CELF2: variants seen among roughly 807,000 people sequenced by gnomAD.
CELF2 encodes the protein CUG triplet repeat RNA-binding protein 2.
In CELF2, 8 loss-of-function variants were observed where a neutral mutation model predicts 62.6. The ratio of observed to expected loss-of-function variants is 0.13; its 90% CI spans 0.07 to 0.23. The LOEUF (loss-of-function observed/expected upper bound fraction) is 0.23, where lower values mean the gene tolerates loss of function less well. CELF2 is among the 10% of genes least tolerant of loss of function. CELF2 has a pLI of 1.00. For synonymous variants in CELF2, 258 were observed against 250.0 expected (o/e 1.03, Z -0.30); for missense variants, 333 against 671.0 (o/e 0.50, Z 5.56).
chr10:11,242,692 C>G lies in CELF2; in HGVS notation c.355-6461C>G, dbSNP rs79076451. Among the ~76,000 whole-genome samples, 2 of 152,148 alleles carry G rather than the reference C, an allele frequency of 1.3e-5. No homozygotes were observed. The highest frequency in any genetic ancestry group is 1.9e-4 in the East Asian group (1 of 5,194). Reference sequence around the variant, plus strand: ...ACAGCTGGGGCCTTGTGGGAAGAATCGAAGGTCAGCTTACTCAGGAGTGAG... The same window carrying G: ...ACAGCTGGGGCCTTGTGGGAAGAATGGAAGGTCAGCTTACTCAGGAGTGAG... On this transcript the variant is annotated intron_variant, in intron 3 of 12. Coordinates refer to ENST00000633077, the MANE Select transcript of CELF2 (RefSeq NM_001326342.2). This position sits in a 1 kb window ranked among gnomAD's most constrained non-coding sequence, Gnocchi z 4.8.
the CELF2 span, among the ~76,000 whole-genome samples, chr10:10,579,616 A>G: frequency 3.9e-5 from 6 of 152,166 alleles, no homozygotes; most frequent in African/African-American, 1.4e-4. Flanking sequence ...CCTTGAAAAT[A>G]CAGCAAGAGG....
the CELF2 span, among the ~76,000 whole-genome samples, chr10:10,486,667 G>A: frequency 2.0e-5 from 3 of 152,092 alleles, no homozygotes; most frequent in African/African-American, 7.2e-5. Flanking sequence ...TCCTTTGAGC[G>A]TCATGTCAGT....
At chr10:10,568,971 CT>C in the CELF2 span, among the ~76,000 whole-genome samples, 1 of 152,148 alleles carries the variant, frequency 6.6e-6, no homozygotes, top group African/African-American at 2.4e-5. Flanking sequence ...GCCATTCCTT[CT>C]CCTCCAACCT....
At chr10:11,017,639 C>G (rs796155147), upstream of CELF2, among the ~76,000 whole-genome samples, 8 of 152,214 alleles carry the variant, frequency 5.3e-5, 1 homozygote, top group African/African-American at 1.7e-4. This position sits in a 1 kb window ranked among gnomAD's most constrained non-coding sequence, Gnocchi z 5.5. Context: ...AAACCTACTC[C>G]GAGCGGCCAC....
intron 3 of CELF2, among the ~76,000 whole-genome samples, chr10:11,248,521 A>G (rs1175453872): frequency 6.6e-6 from 1 of 152,168 alleles, no homozygotes; most frequent in East Asian, 1.9e-4. Context: ...TAAAAATTAT[A>G]TACTGATACC....
chr10:10,560,052 G>A, the CELF2 span, among the ~76,000 whole-genome samples: 3 of 152,182 alleles, frequency 2.0e-5, no homozygotes, highest in Admixed American at 2.0e-4. Context: ...AATTTGGAAT[G>A]AGGGCTCAAT....
chr10:11,067,563 A>G (rs2068508384), intron 1 of CELF2, among the ~76,000 whole-genome samples: 1 of 152,214 alleles, frequency 6.6e-6, no homozygotes, highest in Non-Finnish European at 1.5e-5. Context: ...AGCCTTTTAG[A>G]AAAAAACAAA....
At chr10:11,041,210 A>C (rs545527641) in intron 1 of CELF2, among the ~76,000 whole-genome samples, 1 of 152,328 alleles carries the variant, frequency 6.6e-6, no homozygotes, top group African/African-American at 2.4e-5. Context: ...ACTACAACTC[A>C]ATCTACTTCC....
chr10:10,618,438 T>C, the CELF2 span, among the ~76,000 whole-genome samples: 1 of 152,146 alleles, frequency 6.6e-6, no homozygotes. Flanking sequence ...ATTTTTCTGA[T>C]GAAATCTCAC....
chr10:11,079,238 T>G (rs1279653178), intron 1 of CELF2, among the ~76,000 whole-genome samples: 1 of 152,198 alleles, frequency 6.6e-6, no homozygotes, highest in East Asian at 1.9e-4. Flanking sequence ...TGTACTTACC[T>G]GAACTAAAGT....
chr10:10,927,332 G>C (rs1202497974), intron 2 of CELF2: 1 of 96,130 alleles, frequency 1.0e-5, no homozygotes, highest in Non-Finnish European at 1.8e-5. Context: ...ACTCAAAGGA[G>C]AACCTAGTGA....
At chr10:11,018,211 C>T (rs1201451750) in intron 1 of CELF2, 48 bp downstream of exon 1, 3 of 1,468,384 alleles carry the variant, frequency 2.0e-6, no homozygotes, top group Non-Finnish European at 2.7e-6. Flanking sequence ...GTCCTCCTCC[C>T]AGAGTCGGCG....
the CELF2 span, among the ~76,000 whole-genome samples, chr10:10,562,368 C>A: frequency 1.3e-5 from 2 of 152,186 alleles, no homozygotes; most frequent in African/African-American, 4.8e-5. Flanking sequence ...TAATCCTAAT[C>A]GCTTACATAT....
At chr10:11,006,295 A>C (rs1282401350) in intron 1 of CELF2, among the ~76,000 whole-genome samples, 1 of 152,084 alleles carries the variant, frequency 6.6e-6, no homozygotes, top group Non-Finnish European at 1.5e-5. Context: ...TCTTGTTTGT[A>C]TAGACTATCA....
the CELF2 span, among the ~76,000 whole-genome samples, chr10:10,756,349 C>CT: frequency 6.6e-6 from 1 of 152,162 alleles, no homozygotes; most frequent in African/African-American, 2.4e-5. Flanking sequence ...ACCACAGTTA[C>CT]TTTTGCATCA....
At chr10:10,534,442 C>T in the CELF2 span, among the ~76,000 whole-genome samples, 2 of 152,186 alleles carry the variant, frequency 1.3e-5, no homozygotes, top group South Asian at 2.1e-4. Flanking sequence ...AGCGAGTTTC[C>T]GAGGAACCTA....
chr10:11,150,353 C>T (rs115389192), intron 1 of CELF2, among the ~76,000 whole-genome samples: 1,636 of 152,264 alleles, frequency 0.011, 24 homozygotes, highest in African/African-American at 0.038. Flanking sequence ...AAACATGAAC[C>T]CTGCATGCCA....
intron 2 of CELF2, among the ~76,000 whole-genome samples, chr10:10,963,890 T>C (rs1449107739): frequency 6.6e-6 from 1 of 152,164 alleles, no homozygotes; most frequent in Non-Finnish European, 1.5e-5. Context: ...ATGTCCTCAA[T>C]GGAGATGCCT....
intron 1 of CELF2, among the ~76,000 whole-genome samples, chr10:10,813,681 G>T (rs945280383): frequency 6.6e-6 from 1 of 152,170 alleles, no homozygotes; most frequent in Non-Finnish European, 1.5e-5. Context: ...TATTTAAAAG[G>T]TTTATTCCAG....
Sources: allele counts gnomAD v4.1 joint callset (sites outside exome capture counted in the v4.1 genomes callset), GRCh38; gene constraint gnomAD v4.1.1; non-coding constraint Gnocchi (gnomAD v3.1); transcripts MANE v1.5; gene names NCBI Gene and HGNC (gene_info 2026-07-23, HGNC 2026-07-21).